INTS9: variants seen among roughly 807,000 people sequenced by gnomAD.
The protein encoded by INTS9 is integrator complex subunit 9, also known as protein related to CPSF subunits of 74 kDa.
In INTS9, 55 loss-of-function variants were observed where a neutral mutation model predicts 79.7. The ratio of observed to expected loss-of-function variants is 0.69; its 90% CI spans 0.56 to 0.86. The LOEUF is 0.86. Among genes scored for constraint, INTS9 ranks in the 40% least tolerant of loss-of-function variants. The probability of loss-of-function intolerance (pLI) is 0.00; values close to 1 mark genes in which losing one functional copy is unlikely to be tolerated. For synonymous variants in INTS9, 319 were observed against 325.2 expected, an observed-to-expected ratio of 0.98 and a Z score of 0.20; for missense variants, 721 against 831.5, an observed-to-expected ratio of 0.87 and a Z score of 1.64.
chr8:28,831,729 C>T lies in INTS9; in HGVS notation c.488+3563G>A, dbSNP rs143620395. Among the ~76,000 whole-genome samples the T allele has an allele frequency of 7.5e-3, 1,137 of 152,218 alleles. 18 individuals are homozygous for T. Among genetic ancestry groups the T allele is most frequent in the African/African-American group, 0.025 (1,056 of 41,538 alleles). ...TTGCCCTTTTTTTTAGACAGAGTCT[C>T]GCTCTGTCCCCCAGGCTGGAGTGCA... On this transcript the variant is annotated intron_variant, in intron 6 of 16. Coordinates refer to ENST00000521022, the MANE Select transcript of INTS9 (RefSeq NM_018250.4).
chr8:28,867,641 T>A (rs1563308920), intron 1 of INTS9, among the ~76,000 whole-genome samples: 1 of 151,378 alleles, frequency 6.6e-6, no homozygotes, highest in Admixed American at 6.6e-5. Flanking sequence ...CTAAAAAAAA[T>A]TTGGCAAATT....
chr8:28,787,098 T>C (rs1404152129), intron 11 of INTS9, among the ~76,000 whole-genome samples: 1 of 152,128 alleles, frequency 6.6e-6, no homozygotes, highest in Non-Finnish European at 1.5e-5. Flanking sequence ...GGAGTAACTA[T>C]TGTCTGTTAG....
chr8:28,855,032 C>T (rs1444314900), intron 2 of INTS9, among the ~76,000 whole-genome samples: 1 of 152,154 alleles, frequency 6.6e-6, no homozygotes, highest in East Asian at 1.9e-4. Context: ...GTCCTTCTCA[C>T]CATGAACATC....
At chr8:28,830,362 G>A (rs771357127) in intron 6 of INTS9, among the ~76,000 whole-genome samples, 2 of 152,128 alleles carry the variant, frequency 1.3e-5, no homozygotes, top group Non-Finnish European at 2.9e-5. Flanking sequence ...GGCCAGGCAT[G>A]GTGGCTCATG....
At chr8:28,787,759 T>G (rs1803696955) in intron 11 of INTS9, 70 bp downstream of exon 11, 1 of 1,097,606 alleles carries the variant, frequency 9.1e-7, no homozygotes, top group Non-Finnish European at 1.4e-6. Flanking sequence ...TCTAACGACC[T>G]GCTGTCTGCA....
chr8:28,780,066 T>TC (rs1374129411), intron 12 of INTS9, among the ~76,000 whole-genome samples: 1 of 150,908 alleles, frequency 6.6e-6, no homozygotes, highest in Non-Finnish European at 1.5e-5. Context: ...TTTTTTTTTT[T>TC]TTCTTTTTTC....
chr8:28,837,298 A>G (rs551873472), intron 5 of INTS9, among the ~76,000 whole-genome samples: 1 of 152,280 alleles, frequency 6.6e-6, no homozygotes, highest in Non-Finnish European at 1.5e-5. Flanking sequence ...TAAAGATGCT[A>G]CACTCTTTCC....
At chr8:28,861,231 GA>G (rs1392563388) in intron 1 of INTS9, among the ~76,000 whole-genome samples, 1 of 152,186 alleles carries the variant, frequency 6.6e-6, no homozygotes, top group Non-Finnish European at 1.5e-5. Context: ...CAGGATTACA[GA>G]AAATTTTTTC....
chr8:28,827,547 C>G (rs973298364), intron 6 of INTS9, among the ~76,000 whole-genome samples: 1 of 152,104 alleles, frequency 6.6e-6, no homozygotes, highest in Admixed American at 6.5e-5. Context: ...CTCATCACAG[C>G]AAAGGGCTTA....
At chr8:28,811,703 G>A (rs1469495093) in intron 8 of INTS9, among the ~76,000 whole-genome samples, 4 of 152,134 alleles carry the variant, frequency 2.6e-5, no homozygotes, top group Non-Finnish European at 4.4e-5. Context: ...TTACAGGTAT[G>A]AGCCACCGCG....
chr8:28,772,700 G>A (rs1283973704), intron 14 of INTS9, among the ~76,000 whole-genome samples: 1 of 151,960 alleles, frequency 6.6e-6, no homozygotes, highest in African/African-American at 2.4e-5. Flanking sequence ...CCAGATACTC[G>A]GGAGGCTGAG....
chr8:28,851,225 C>G (rs1005047863), intron 2 of INTS9, among the ~76,000 whole-genome samples: 3 of 151,010 alleles, frequency 2.0e-5, no homozygotes, highest in Non-Finnish European at 2.9e-5. Context: ...CCAAGTATCT[C>G]TAAGGTCCCT....
At chr8:28,865,316 C>T (rs530305491) in intron 1 of INTS9, among the ~76,000 whole-genome samples, 72 of 151,462 alleles carry the variant, frequency 4.8e-4, no homozygotes, top group African/African-American at 1.6e-3. Flanking sequence ...TGTATCTATA[C>T]GATTTATAAA....
intron 2 of INTS9, among the ~76,000 whole-genome samples, chr8:28,857,686 C>A (rs1808249587): frequency 6.6e-6 from 1 of 152,096 alleles, no homozygotes; most frequent in Admixed American, 6.5e-5. Context: ...TTCATTCATA[C>A]AACAAATACT....
rs184388789 is a variant in INTS9, at chr8:28,812,804, T to G, written c.610-343A>C. Among the ~76,000 whole-genome samples the G allele has an allele frequency of 2.9e-3, 436 of 152,316 alleles. 1 individual carries two copies. Among genetic ancestry groups the G allele is most frequent in the African/African-American group, 1.0e-2 (414 of 41,568 alleles). ...AAGTTGAGGCTGCAGTGAGCCATGT[T>G]TGTACCACTGCGCTCCAGCCTGAGT... On this transcript the variant is annotated intron_variant, in intron 7 of 16. Coordinates refer to ENST00000521022, the MANE Select transcript of INTS9 (RefSeq NM_018250.4).
chr8:28,769,730 TGGGTCTCCCAGCA>T (rs1802417671), intron 16 of INTS9, 146 bp downstream of exon 16: 1 of 883,882 alleles, frequency 1.1e-6, no homozygotes. Flanking sequence ...TTCTTTCTCC[TGGGTCTCCCAGCA>T]GGACCTTAGA....
At chr8:28,779,680 C>T (rs933933748) in intron 12 of INTS9, among the ~76,000 whole-genome samples, 2 of 152,206 alleles carry the variant, frequency 1.3e-5, no homozygotes, top group African/African-American at 2.4e-5. Context: ...GAACACCAGC[C>T]GGAGTCCTGC....
intron 12 of INTS9, 101 bp from the exon 13 acceptor site, chr8:28,778,054 G>C (rs1803001097): frequency 1.5e-6 from 2 of 1,318,334 alleles, no homozygotes; most frequent in South Asian, 3.1e-5. Context: ...CAGTCAGGGG[G>C]TCAGGAGGGA....
At chr8:28,861,879 C>T (rs778588989) in intron 1 of INTS9, among the ~76,000 whole-genome samples, 3 of 152,342 alleles carry the variant, frequency 2.0e-5, no homozygotes, top group East Asian at 3.9e-4. Flanking sequence ...AGAGCACTGA[C>T]GAAAGGTGCC....
Sources: allele counts gnomAD v4.1 joint callset (sites outside exome capture counted in the v4.1 genomes callset), GRCh38; gene constraint gnomAD v4.1.1; transcripts MANE v1.5; gene names NCBI Gene and HGNC (gene_info 2026-07-23, HGNC 2026-07-21).